The following ADAMTS9 variants were observed in gnomAD, a reference collection of about 807,000 sequenced individuals.
The protein encoded by ADAMTS9 is A disintegrin and metalloproteinase with thrombospondin motifs 9.
In ADAMTS9, 107 loss-of-function variants were observed where a neutral mutation model predicts 257.1. That is an observed-to-expected ratio of 0.42 (90% CI 0.36 to 0.49). ADAMTS9 has a LOEUF of 0.49. Ranked by LOEUF, ADAMTS9 falls within the 20% of genes least tolerant of loss-of-function variation. The pLI, the probability that ADAMTS9 is intolerant of heterozygous loss-of-function variation, is 0.03. For missense variants in ADAMTS9, 2,353 were observed against 2,469.1 expected (o/e 0.95, Z 1.00); for synonymous variants, 982 against 880.9 (o/e 1.11, Z -2.03).
chr3:64,637,328 TAA>T (rs1246641871), intron 12 of ADAMTS9, among the ~76,000 whole-genome samples: 6 of 152,300 alleles, frequency 3.9e-5, no homozygotes, highest in African/African-American at 1.4e-4. Context: ...AACATAGCTT[TAA>T]AAAATAGTAG....
At chr3:64,591,118 G>T (rs2084250688) in intron 28 of ADAMTS9, among the ~76,000 whole-genome samples, 1 of 152,138 alleles carries the variant, frequency 6.6e-6, no homozygotes, top group Admixed American at 6.5e-5. Flanking sequence ...CTGACTGCAG[G>T]AGTCAACTGA....
rs762274084 is a variant in ADAMTS9 at position 64,597,010 on chromosome 3, A to G, written c.4018-19T>C. ...TGGAACACTAAACACATCAGTCGAC[A>G]AGTTAATCCCCACCTCAATCTCCAT... On this transcript the variant is annotated intron_variant, in intron 26 of 39. Coordinates refer to ENST00000498707, the MANE Select transcript of ADAMTS9 (RefSeq NM_182920.2). The G allele has an allele frequency of 6.2e-7, 1 of 1,612,960 alleles. No homozygotes were observed. The highest frequency in any genetic ancestry group is 1.3e-5 in the African/African-American group (1 of 74,982).
chr3:64,683,859 G>C (rs1701822048), intron 2 of ADAMTS9, among the ~76,000 whole-genome samples: 1 of 152,142 alleles, frequency 6.6e-6, no homozygotes, highest in Non-Finnish European at 1.5e-5. Flanking sequence ...CTTGATACAA[G>C]GGAGAACGTA....
chr3:64,678,704 T>G (rs1227118000), intron 3 of ADAMTS9, among the ~76,000 whole-genome samples: 4 of 152,202 alleles, frequency 2.6e-5, no homozygotes, highest in African/African-American at 9.6e-5. Context: ...CAACCTACTT[T>G]CACTCCCTGT....
At chr3:64,563,047 T>G (rs1280636299) in intron 29 of ADAMTS9, 23 of 152,188 alleles carry the variant, frequency 1.5e-4, no homozygotes, top group Non-Finnish European at 1.5e-5. Flanking sequence ...TAGCTACTAT[T>G]GTTTGGGCTC....
chr3:64,630,531 C>G (rs376723264), intron 16 of ADAMTS9, among the ~76,000 whole-genome samples: 1 of 152,156 alleles, frequency 6.6e-6, no homozygotes, highest in Non-Finnish European at 1.5e-5. Context: ...GAGCTGTGAT[C>G]ACACCACTGC....
chr3:64,627,493 G>A (rs2106879443), intron 16 of ADAMTS9, among the ~76,000 whole-genome samples: 1 of 152,226 alleles, frequency 6.6e-6, no homozygotes, highest in Admixed American at 6.5e-5. Flanking sequence ...TCACAGAAAT[G>A]GCTACTTTTT....
At chr3:64,550,685 A>C in intron 31 of ADAMTS9, 1 of 595,098 alleles carries the variant, frequency 1.7e-6, no homozygotes, top group Non-Finnish European at 2.9e-6. Context: ...GGACTTAGAG[A>C]CCATCTCTTA....
chr3:64,537,311 G>T (rs2083063447), intron 37 of ADAMTS9, among the ~76,000 whole-genome samples: 1 of 152,168 alleles, frequency 6.6e-6, no homozygotes, highest in African/African-American at 2.4e-5. Flanking sequence ...CCCAAAGGAT[G>T]TGCATATAGA....
chr3:64,628,462 C>A (rs558861712), intron 16 of ADAMTS9, among the ~76,000 whole-genome samples: 1 of 152,286 alleles, frequency 6.6e-6, no homozygotes, highest in South Asian at 2.1e-4. Context: ...GCATGCAATG[C>A]TGTTTCATTT....
chr3:64,642,761 G>A (rs975571935), intron 11 of ADAMTS9, among the ~76,000 whole-genome samples: 3 of 152,230 alleles, frequency 2.0e-5, no homozygotes, highest in Admixed American at 2.0e-4. Flanking sequence ...GGCGGCAGTG[G>A]CCACAGGAGG....
rs1553698668 is a variant in ADAMTS9, at chr3:64,517,416, G to GTTTTTTTTGTTTTTTTTTT, written c.*6-296_*6-295insAAAAAAAAAACAAAAAAAA. On this transcript the variant is annotated intron_variant, in intron 39 of 39. Coordinates refer to ENST00000498707, the MANE Select transcript of ADAMTS9 (RefSeq NM_182920.2). ...CATCAAGCCCAGCTAATTAAAAATG[G>GTTTTTTTTGTTTTTTTTTT]TTTTTTTTTTTTTTTTTTTTTTTGC... Among the ~76,000 whole-genome samples, 7 of 52,632 alleles carry GTTTTTTTTGTTTTTTTTTT rather than the reference G, an allele frequency of 1.3e-4. 1 individual carries two copies. The highest frequency in any genetic ancestry group is 1.5e-3 in the South Asian group (1 of 648). 34.5% of individuals were successfully genotyped at this position (52,632 alleles called of 152,430 possible). A position where few individuals can be genotyped will look rare whatever the true frequency, so the allele number is the denominator to read the frequency against.
intron 32 of ADAMTS9, among the ~76,000 whole-genome samples, chr3:64,544,076 C>G (rs2083164510): frequency 6.6e-6 from 1 of 152,172 alleles, no homozygotes; most frequent in Non-Finnish European, 1.5e-5. Flanking sequence ...AGGACCTCTT[C>G]AAGGAGAACT....
chr3:64,637,997 T>C (rs1372369095), intron 12 of ADAMTS9, among the ~76,000 whole-genome samples: 1 of 152,204 alleles, frequency 6.6e-6, no homozygotes, highest in Admixed American at 6.5e-5. Context: ...AAATGAGAAA[T>C]TCATTTTTTT....
intron 30 of ADAMTS9, among the ~76,000 whole-genome samples, chr3:64,552,202 G>A (rs940851012): frequency 3.3e-5 from 5 of 152,198 alleles, no homozygotes; most frequent in African/African-American, 7.2e-5. Context: ...TGAGGTAGAC[G>A]GGACAGCTAT....
intron 26 of ADAMTS9, among the ~76,000 whole-genome samples, chr3:64,597,657 G>C (rs998986587): frequency 1.3e-5 from 2 of 151,886 alleles, no homozygotes; most frequent in Non-Finnish European, 2.9e-5. Context: ...ACCTCTCTTC[G>C]GCCGTGCTTT....
At chr3:64,594,226 T>C (rs1417426795) in intron 28 of ADAMTS9, 32 bp downstream of exon 28, 6 of 1,588,714 alleles carry the variant, frequency 3.8e-6, no homozygotes, top group Non-Finnish European at 5.2e-6. Flanking sequence ...TTAGATAGTT[T>C]GGTTAACAAA....
chr3:64,622,126 C>T lies in ADAMTS9; in HGVS notation c.2686+72G>A. 2.7e-6 allele frequency: 4 copies of T among 1,464,772 alleles called. No homozygotes were observed. In the South Asian group the frequency reaches 5.8e-5, roughly 21 times the overall value. The allele number at this position is 1,464,772 out of a possible 1,614,324, so 90.7% of individuals were successfully genotyped here. On this transcript the variant is annotated intron_variant, in intron 18 of 39. Coordinates refer to ENST00000498707, the MANE Select transcript of ADAMTS9 (RefSeq NM_182920.2). ...GGGTTTGCAGTTTGCATGCATTTGG[C>T]TGTTATTAAAAATAAATAAATAAAT...
At chr3:64,619,385 A>C (rs921762654) in intron 19 of ADAMTS9, among the ~76,000 whole-genome samples, 2 of 152,202 alleles carry the variant, frequency 1.3e-5, no homozygotes, top group Admixed American at 6.5e-5. Flanking sequence ...ACTCATCGTT[A>C]TAACTGAATT....
Sources: allele counts gnomAD v4.1 joint callset (sites outside exome capture counted in the v4.1 genomes callset), GRCh38; gene constraint gnomAD v4.1.1; transcripts MANE v1.5; gene names NCBI Gene and HGNC (gene_info 2026-07-23, HGNC 2026-07-21).